MTHFD1: variants seen among roughly 807,000 people sequenced by gnomAD.
The protein encoded by MTHFD1 is C-1-tetrahydrofolate synthase, cytoplasmic.
In MTHFD1, 44 loss-of-function variants were observed where a neutral mutation model predicts 110.3. The ratio of observed to expected loss-of-function variants is 0.40; its 90% CI spans 0.31 to 0.51. The LOEUF (loss-of-function observed/expected upper bound fraction) is 0.51. Ranked by LOEUF, MTHFD1 falls within the 20% of genes least tolerant of loss-of-function variation. The pLI is 0.60. For synonymous variants in MTHFD1, 402 were observed against 428.8 expected, an observed-to-expected ratio of 0.94 and a Z score of 0.77; for missense variants, 909 against 1,173.1, an observed-to-expected ratio of 0.77 and a Z score of 3.29.
chr14:64,431,419 G>T (rs1009311654), intron 13 of MTHFD1, 113 bp from the exon 14 acceptor site: 5 of 857,774 alleles, frequency 5.8e-6, no homozygotes, highest in Admixed American at 4.0e-5. Flanking sequence ...CACTAACTGG[G>T]CTGCCTTCAG....
intron 11 of MTHFD1, among the ~76,000 whole-genome samples, chr14:64,427,131 C>T (rs2078124991): frequency 6.6e-6 from 1 of 151,884 alleles, no homozygotes; most frequent in Non-Finnish European, 1.5e-5. Flanking sequence ...TCATAGCTTA[C>T]TGTAGCCTGG....
chr14:64,425,069 T>C, intron 9 of MTHFD1, 138 bp downstream of exon 9: 1 of 1,084,510 alleles, frequency 9.2e-7, no homozygotes, highest in Non-Finnish European at 1.3e-6. Flanking sequence ...AAGGGAAGAA[T>C]AGAGAAATAA....
chr14:64,393,435 G>A (rs978936343), intron 1 of MTHFD1, among the ~76,000 whole-genome samples: 15 of 152,158 alleles, frequency 9.9e-5, no homozygotes, highest in Middle Eastern at 3.4e-3. Context: ...AAATTTGCCT[G>A]TAATGAACTC....
chr14:64,426,054 C>G lies in MTHFD1; in HGVS notation c.989C>G (p.Pro330Arg). 1.9e-6 allele frequency: 3 copies of G among 1,613,628 alleles called. No homozygotes were observed. Among genetic ancestry groups the G allele is most frequent in the Non-Finnish European group, 2.5e-6 (3 of 1,180,030 alleles). ...IDISRSCKPK[P>R]IGKLAREIGL... ...ATATCACGATCTTGTAAACCGAAGC[C>G]CATTGGTAAGCTGGCTCGAGAAATT... The change falls in exon 11 of 28, where the codon CCC becomes CGC. Residue 330 changes from proline to arginine, a missense_variant. By Grantham distance (103) the Pro-to-Arg change is moderately radical. Transcript: ENST00000652337.
intron 2 of MTHFD1, among the ~76,000 whole-genome samples, chr14:64,404,095 C>A (rs1454123151): frequency 7.2e-5 from 11 of 152,210 alleles, no homozygotes; most frequent in Admixed American, 5.2e-4. Flanking sequence ...TGAAGCTAGT[C>A]TGGCCCTCAT....
Position 64,444,950 on chromosome 14 carries a change from GC to G in MTHFD1, c.2178+218del, listed in dbSNP as rs2078279115. The G allele has an allele frequency of 5.1e-6, 3 of 591,648 alleles. 1 individual carries two copies. The South Asian group carries it at 5.5e-5, about 11-fold the overall frequency. 36.6% of individuals were successfully genotyped at this position (591,648 alleles called of 1,614,324 possible). On this transcript the variant is annotated intron_variant, in intron 22 of 27. Transcript: ENST00000652337. ...ATTGTCCCACATAGGGTGTCAATAA[GC>G]CACTGCCCTAGACCAGTGGTTGATT... is the stretch of plus-strand genomic sequence containing the variant.
At chr14:64,405,963 AC>A (rs1273167748) in intron 2 of MTHFD1, among the ~76,000 whole-genome samples, 1 of 151,376 alleles carries the variant, frequency 6.6e-6, no homozygotes, top group Admixed American at 6.6e-5. Context: ...TTCATTATAT[AC>A]CTTATACTTG....
At chr14:64,449,775 T>G in intron 24 of MTHFD1, 153 bp downstream of exon 24, 1 of 873,270 alleles carries the variant, frequency 1.1e-6, no homozygotes, top group Non-Finnish European at 1.8e-6. Flanking sequence ...CAGCCTGGAC[T>G]CCCAGCTGTA....
intron 15 of MTHFD1, among the ~76,000 whole-genome samples, chr14:64,434,956 T>C (rs370176497): frequency 0.059 from 7,266 of 122,276 alleles, 348 homozygotes; most frequent in African/African-American, 0.14. Context: ...TTTCTTTTTT[T>C]TTTTTTTTTT....
intron 22 of MTHFD1, chr14:64,444,985 C>A (rs1245478187): frequency 1.9e-6 from 1 of 524,492 alleles, no homozygotes; most frequent in African/African-American, 1.9e-5. Context: ...TTCTCAACAG[C>A]TGATTTTGAC....
At chr14:64,445,483 G>T (rs1256022681) in intron 22 of MTHFD1, among the ~76,000 whole-genome samples, 1 of 152,190 alleles carries the variant, frequency 6.6e-6, no homozygotes, top group Non-Finnish European at 1.5e-5. Context: ...TTACAGGAAA[G>T]ACAGGCCATC....
At chr14:64,445,611 C>T (rs1436168289) in intron 22 of MTHFD1, among the ~76,000 whole-genome samples, 1 of 152,180 alleles carries the variant, frequency 6.6e-6, no homozygotes, top group Non-Finnish European at 1.5e-5. Flanking sequence ...TGAAGTATTT[C>T]AAAACTGGCT....
intron 22 of MTHFD1, among the ~76,000 whole-genome samples, chr14:64,447,387 CT>C (rs1479316725): frequency 1.3e-5 from 2 of 151,226 alleles, no homozygotes; most frequent in Non-Finnish European, 2.9e-5. Context: ...ATCTCTTGAC[CT>C]TGTGATCCAC....
chr14:64,443,171 C>G (rs1001420316), intron 21 of MTHFD1, among the ~76,000 whole-genome samples: 1 of 152,142 alleles, frequency 6.6e-6, no homozygotes, highest in South Asian at 2.1e-4. Flanking sequence ...AGGGTTTGTC[C>G]TAATGTAGCA....
intron 21 of MTHFD1, 138 bp from the exon 22 acceptor site, chr14:64,444,554 CT>C: frequency 1.0e-6 from 1 of 977,442 alleles, no homozygotes; most frequent in Non-Finnish European, 1.6e-6. Context: ...ACCCTAAGTC[CT>C]TAGGGCAGGA....
chr14:64,447,205 G>C (rs933110764), intron 22 of MTHFD1, among the ~76,000 whole-genome samples: 5 of 137,284 alleles, frequency 3.6e-5, no homozygotes, highest in Non-Finnish European at 6.1e-5. Context: ...CACCAGGCTG[G>C]AGTGCAGTGG....
At chr14:64,439,499 T>C (rs2078231847) in intron 17 of MTHFD1, 1 of 375,606 alleles carries the variant, frequency 2.7e-6, no homozygotes, top group East Asian at 5.8e-5. Context: ...AGAGGTACCA[T>C]ATTATTCCCT....
chr14:64,409,962 C>A (rs1362158559), intron 2 of MTHFD1, among the ~76,000 whole-genome samples: 1 of 152,190 alleles, frequency 6.6e-6, no homozygotes, highest in Non-Finnish European at 1.5e-5. Flanking sequence ...ATGAAGGGAC[C>A]ACCACCTTTC....
At chr14:64,397,211 G>A in intron 1 of MTHFD1, among the ~76,000 whole-genome samples, 1 of 97,784 alleles carries the variant, frequency 1.0e-5, no homozygotes, top group African/African-American at 4.1e-5. Context: ...AATCTATTGG[G>A]GCAGGGGATA....
Sources: gnomAD v4.1 joint callset for allele counts (sites outside exome capture counted in the v4.1 genomes callset) on GRCh38, gnomAD v4.1.1 for gene constraint, MANE v1.5 for transcripts, NCBI Gene and HGNC (gene_info 2026-07-23, HGNC 2026-07-21) for gene names.